Variants in FAM185A observed in about 807,000 individuals in gnomAD.
The protein encoded by FAM185A is protein FAM185A.
In FAM185A, 21 loss-of-function variants were observed where a neutral mutation model predicts 45.7. That is an observed-to-expected ratio of 0.46 (90% CI 0.33 to 0.66). FAM185A has a LOEUF of 0.66. FAM185A is among the 30% of genes least tolerant of loss of function. The pLI is 0.03. For missense variants in FAM185A, 305 were observed against 485.4 expected, an observed-to-expected ratio of 0.63 and a Z score of 3.49; for synonymous variants, 117 against 194.0, an observed-to-expected ratio of 0.60 and a Z score of 3.30.
chr7:102,846,607 C>T, the FAM185A span, among the ~76,000 whole-genome samples: 2 of 132,996 alleles, frequency 1.5e-5, no homozygotes, highest in African/African-American at 6.4e-5. Context: ...CAGAGCAAGA[C>T]TCAGTCTCAA....
chr7:102,826,746 T>C, the FAM185A span, among the ~76,000 whole-genome samples: 1 of 97,258 alleles, frequency 1.0e-5, no homozygotes, highest in African/African-American at 5.0e-5. Context: ...TATATATATA[T>C]ATATATATAT....
At chr7:102,834,100 AAG>A in the FAM185A span, among the ~76,000 whole-genome samples, 2 of 105,734 alleles carry the variant, frequency 1.9e-5, no homozygotes, top group African/African-American at 4.4e-5. Flanking sequence ...GAAAGAAAGA[AAG>A]AAAGAAAGAA....
At chr7:102,755,619 A>G (rs1336444068) in intron 2 of FAM185A, 5 of 615,500 alleles carry the variant, frequency 8.1e-6, no homozygotes, top group Admixed American at 6.8e-5. Context: ...TGCACACGAC[A>G]TGGATCCCAT....
the FAM185A span, among the ~76,000 whole-genome samples, chr7:102,827,687 C>T: frequency 6.6e-6 from 1 of 152,046 alleles, no homozygotes; most frequent in Admixed American, 6.6e-5. Context: ...TCCCGCCACC[C>T]CACAACAGGC....
rs967932162 is a variant in FAM185A at position 102,772,472 on chromosome 7, C to A, written c.835+22C>A. The A allele has an allele frequency of 5.9e-6, 9 of 1,523,266 alleles. No individual in the cohort carries two copies. The Admixed American group carries it at 1.4e-4, about 23-fold the overall frequency. The allele number at this position is 1,523,266 out of a possible 1,614,324, so 94.4% of individuals were successfully genotyped here. A position where few individuals can be genotyped will look rare whatever the true frequency, so the allele number is the denominator to read the frequency against. ...GTAGGTATGTGCTAAGCTACTAGTT[C>A]GTGTATTTTGTCCACTTTTAAAAAT... On this transcript the variant is annotated intron_variant, in intron 5 of 7. Coordinates refer to ENST00000413034, the MANE Select transcript of FAM185A (RefSeq NM_001145268.2).
chr7:102,795,010 A>C (rs985162822), intron 7 of FAM185A, among the ~76,000 whole-genome samples: 1 of 152,252 alleles, frequency 6.6e-6, no homozygotes, highest in African/African-American at 2.4e-5. Context: ...GGAGAAGGAC[A>C]GTATGACTTT....
In FAM185A at chr7:102,784,085, A is replaced by G. The variant is rs1795608297; in HGVS notation, c.932-3250A>G. On this transcript the variant is annotated intron_variant, in intron 6 of 7. Coordinates refer to ENST00000413034, the MANE Select transcript of FAM185A (RefSeq NM_001145268.2). ...ACGGAAATAAACTAGAAAATCTAGA[A>G]GAAATGGATAAATTCCTGGACACAT... Among the ~76,000 whole-genome samples the G allele has an allele frequency of 2.6e-5, 4 of 152,380 alleles. No homozygotes were observed. The South Asian group carries it at 8.3e-4, about 32-fold the overall frequency.
downstream of FAM185A, chr7:102,813,221 A>C: frequency 1.2e-6 from 1 of 834,314 alleles, no homozygotes; most frequent in Non-Finnish European, 1.9e-6. Context: ...AATAAGAATC[A>C]GAAGATGGTT....
At chr7:102,756,666 A>C (rs1177331064) in intron 2 of FAM185A, among the ~76,000 whole-genome samples, 2 of 150,124 alleles carry the variant, frequency 1.3e-5, no homozygotes, top group African/African-American at 4.9e-5. Context: ...AAAAACAAAA[A>C]CAAAAAACAA....
At chr7:102,778,239 C>T (rs1795190770) in intron 6 of FAM185A, among the ~76,000 whole-genome samples, 1 of 152,218 alleles carries the variant, frequency 6.6e-6, no homozygotes, top group South Asian at 2.1e-4. Context: ...CTGCAAAACA[C>T]AGAGGTCTGA....
At chr7:102,785,080 T>C (rs1255233802) in intron 6 of FAM185A, among the ~76,000 whole-genome samples, 4 of 152,204 alleles carry the variant, frequency 2.6e-5, no homozygotes, top group Admixed American at 2.6e-4. Flanking sequence ...CCATTTACAA[T>C]TGCTTCAAAG....
At chr7:102,814,513 C>A in the FAM185A span, 1 of 152,154 alleles carries the variant, frequency 6.6e-6, no homozygotes, top group Admixed American at 6.5e-5. Context: ...TCAGTTAAAT[C>A]AAACTTTAGA....
intron 1 of FAM185A, among the ~76,000 whole-genome samples, chr7:102,750,094 G>A (rs1344844927): frequency 6.6e-6 from 1 of 152,152 alleles, no homozygotes. Context: ...GGTATCACCT[G>A]GTTTGAGTAT....
At chr7:102,794,738 C>A (rs1381426908) in intron 7 of FAM185A, among the ~76,000 whole-genome samples, 6 of 152,134 alleles carry the variant, frequency 3.9e-5, no homozygotes, top group Admixed American at 3.9e-4. Flanking sequence ...TTTGTAATAG[C>A]CAAAAAACTG....
chr7:102,808,233 G>C (rs1358047586), intron 7 of FAM185A, 57 bp from the exon 8 acceptor site: 2 of 1,103,370 alleles, frequency 1.8e-6, no homozygotes, highest in South Asian at 1.3e-5. Flanking sequence ...TGTGTTGCTA[G>C]GATCTATGTG....
At chr7:102,785,754 C>T (rs574920272) in intron 6 of FAM185A, among the ~76,000 whole-genome samples, 1 of 152,190 alleles carries the variant, frequency 6.6e-6, no homozygotes, top group South Asian at 2.1e-4. Context: ...CAATACCATT[C>T]AGGACATAGG....
At chr7:102,834,888 G>A in the FAM185A span, among the ~76,000 whole-genome samples, 1 of 147,622 alleles carries the variant, frequency 6.8e-6, no homozygotes, top group Admixed American at 6.7e-5. Context: ...ATGTGTGTGT[G>A]TGTGTGTGTG....
chr7:102,832,518 G>C, the FAM185A span, among the ~76,000 whole-genome samples: 1 of 152,200 alleles, frequency 6.6e-6, no homozygotes, highest in Admixed American at 6.5e-5. Flanking sequence ...TCTTTCATCA[G>C]TTCCTACAAA....
At chr7:102,842,715 G>C in the FAM185A span, among the ~76,000 whole-genome samples, 2 of 152,180 alleles carry the variant, frequency 1.3e-5, no homozygotes, top group Non-Finnish European at 2.9e-5. Flanking sequence ...GACTGTTGCT[G>C]AATGAGGTAG....
Sources: gnomAD v4.1 joint callset for allele counts (sites outside exome capture counted in the v4.1 genomes callset) on GRCh38, gnomAD v4.1.1 for gene constraint, MANE v1.5 for transcripts, NCBI Gene and HGNC (gene_info 2026-07-23, HGNC 2026-07-21) for gene names.